The following GRK7 variants were observed in gnomAD, a reference collection of about 807,000 sequenced individuals.
GRK7 encodes the protein rhodopsin kinase GRK7.
A neutral mutation model predicts 34.1 loss-of-function variants in GRK7; 24 were observed. That is an observed-to-expected ratio of 0.70 (90% CI 0.51 to 0.99). The LOEUF is 0.99. GRK7 is among the 50% of genes least tolerant of loss of function. The pLI is 0.00. For synonymous variants in GRK7, 256 were observed against 279.4 expected (o/e 0.92, Z 0.84); for missense variants, 644 against 707.3 (o/e 0.91, Z 1.02).
At chr3:141,787,684 A>G (rs2084703446) in intron 4 of GRK7, among the ~76,000 whole-genome samples, 1 of 151,640 alleles carries the variant, frequency 6.6e-6, no homozygotes, top group Admixed American at 6.6e-5. Context: ...TGTTAGAGGG[A>G]TAATATTTTC....
chr3:141,766,696 A>G (rs1269437391), intron 1 of GRK7, among the ~76,000 whole-genome samples: 1 of 152,170 alleles, frequency 6.6e-6, no homozygotes, highest in Non-Finnish European at 1.5e-5. Context: ...TAATTCCCAC[A>G]TATTCGCCAC....
rs890718052 is a variant in GRK7 at position 141,778,408 on chromosome 3, C to T, written c.124C>T (p.Leu42=). The change falls in exon 3 of 6, where the codon CTG becomes TTG. Residue 42 remains leucine (L), a synonymous_variant. Coordinates refer to ENST00000682958, the MANE Select transcript of GRK7 (RefSeq NM_139209.3). The surrounding 1 kb of genome is among the most constrained non-coding windows in gnomAD (Gnocchi z 4.1). ...GCGGCGTAGCCTGGCCCTGCCCGGGCTGCAGGGCTGCGCGGAGCTCCGCCA... is the reference window on the plus strand; with the variant it reads ...GCGGCGTAGCCTGGCCCTGCCCGGGTTGCAGGGCTGCGCGGAGCTCCGCCA... ...RRRRSLALPG[L]QGCAELRQKL... 1.1e-5 allele frequency: 17 copies of T among 1,612,666 alleles called. No individual in the cohort carries two copies. The highest frequency in any genetic ancestry group is 1.4e-5 in the Non-Finnish European group (17 of 1,179,760).
chr3:141,804,545 TAC>T (rs1441060407), intron 4 of GRK7, among the ~76,000 whole-genome samples: 1 of 151,250 alleles, frequency 6.6e-6, no homozygotes, highest in Non-Finnish European at 1.5e-5. Flanking sequence ...CACACACACA[TAC>T]ACACACTCAC....
intron 4 of GRK7, among the ~76,000 whole-genome samples, chr3:141,781,677 T>A (rs376639463): frequency 2.0e-5 from 3 of 152,180 alleles, no homozygotes; most frequent in Non-Finnish European, 1.5e-5. Flanking sequence ...ATGTTTTGCA[T>A]TGGATGAAGA....
intron 1 of GRK7, among the ~76,000 whole-genome samples, chr3:141,772,268 T>G (rs545172316): frequency 8.5e-5 from 13 of 152,146 alleles, no homozygotes; most frequent in Non-Finnish European, 1.8e-4. Context: ...CTAATTTTTG[T>G]ATTTTTAGTA....
rs558366124 is a variant in GRK7, at chr3:141,774,214, C to T, written c.-214-366C>T. On this transcript the variant is annotated intron_variant, in intron 1 of 5. Transcript: ENST00000682958. ...TTCAGAAGCCGAAGCAGATGGATTA[C>T]ATGAGGCCAGGAGTTCGAGACCAGC... 4.6e-5 allele frequency among the ~76,000 whole-genome samples: 7 copies of T among 152,266 alleles called. No individual in the cohort carries two copies. In the South Asian group the frequency reaches 1.2e-3, roughly 27 times the overall value.
chr3:141,799,002 G>A (rs536549182), intron 4 of GRK7, among the ~76,000 whole-genome samples: 43 of 152,308 alleles, frequency 2.8e-4, no homozygotes, highest in Middle Eastern at 3.4e-3. Flanking sequence ...AAGATGGCAG[G>A]CCAATTCTTT....
At chr3:141,803,809 C>T (rs1178646429) in intron 4 of GRK7, among the ~76,000 whole-genome samples, 2 of 152,174 alleles carry the variant, frequency 1.3e-5, no homozygotes, top group Non-Finnish European at 2.9e-5. Flanking sequence ...GCAACCTCTG[C>T]CTCCCAGGTT....
Position 141,778,241 on chromosome 3 carries a change from C to A in GRK7, c.-44C>A. On this transcript the variant is annotated 5_prime_UTR_variant, in exon 3 of 6. Transcript: ENST00000682958. This position sits in a 1 kb window ranked among gnomAD's most constrained non-coding sequence, Gnocchi z 4.1. ...GAAGGGAAAGCAGCCAGCAGCCCTC[C>A]AGCCCTCTTGTGCTTTCCCTGGGAG... is the stretch of plus-strand genomic sequence containing the variant. 6 of 1,521,650 alleles carry A rather than the reference C, an allele frequency of 3.9e-6. No individual in the cohort carries two copies. The highest frequency in any genetic ancestry group is 5.3e-6 in the Non-Finnish European group (6 of 1,135,488). 94.3% of individuals were successfully genotyped at this position (1,521,650 alleles called of 1,614,324 possible).
intron 2 of GRK7, among the ~76,000 whole-genome samples, chr3:141,775,289 A>T (rs189817555): frequency 9.9e-4 from 150 of 152,184 alleles, no homozygotes; most frequent in African/African-American, 3.5e-3. Context: ...AGTCTCAGCT[A>T]CTTGGGAGAC....
chr3:141,770,572 A>G (rs1226928421), intron 1 of GRK7, among the ~76,000 whole-genome samples: 1 of 152,102 alleles, frequency 6.6e-6, no homozygotes, highest in Non-Finnish European at 1.5e-5. Context: ...AAAGAAAAAA[A>G]AAAAAGACAC....
In GRK7 at chr3:141,764,384, G is replaced by C. The variant is rs946590414; in HGVS notation, c.-1569G>C. ...TTCATCCCACTACTTCATAGAAACT[G>C]CTCTTGTCAAGCATCTGCGTGACCT... On this transcript the variant is annotated 5_prime_UTR_variant, in exon 1 of 6. Coordinates refer to ENST00000682958, the MANE Select transcript of GRK7 (RefSeq NM_139209.3). Among the ~76,000 whole-genome samples the C allele has an allele frequency of 6.6e-6, 1 of 152,168 alleles. No homozygotes were observed. The highest frequency in any genetic ancestry group is 2.4e-5 in the African/African-American group (1 of 41,436).
At position 141,817,125 on chromosome 3, in the gene GRK7, G is replaced by C; in HGVS notation, c.*75G>C. ...TCGAATGTTCCACACGTGGAAATCT[G>C]TGGAATGAGGGCTAATCAGTTAGGA... On this transcript the variant is annotated 3_prime_UTR_variant, in exon 6 of 6. Transcript: ENST00000682958. The C allele has an allele frequency of 8.6e-7, 1 of 1,166,738 alleles. No individual in the cohort carries two copies. The highest frequency in any genetic ancestry group is 1.2e-6 in the Non-Finnish European group (1 of 825,886). 72.3% of individuals were successfully genotyped at this position (1,166,738 alleles called of 1,614,324 possible). A position where few individuals can be genotyped will look rare whatever the true frequency, so the allele number is the denominator to read the frequency against.
At chr3:141,812,345 C>T (rs770010640) in intron 5 of GRK7, among the ~76,000 whole-genome samples, 1 of 152,112 alleles carries the variant, frequency 6.6e-6, no homozygotes, top group East Asian at 1.9e-4. Context: ...AATGATGGGC[C>T]GAAAGAGCCC....
At chr3:141,777,690 A>G (rs796195857) in intron 2 of GRK7, among the ~76,000 whole-genome samples, 1 of 151,632 alleles carries the variant, frequency 6.6e-6, no homozygotes, top group African/African-American at 2.4e-5. Flanking sequence ...GCCCTGGCCA[A>G]CACTGGAGTC....
intron 2 of GRK7, among the ~76,000 whole-genome samples, chr3:141,775,716 A>T (rs969277395): frequency 6.6e-6 from 1 of 152,206 alleles, no homozygotes; most frequent in Non-Finnish European, 1.5e-5. Context: ...CTTTTACATC[A>T]ATTACATGTT....
chr3:141,762,982 G>A (rs201156000), upstream of GRK7, among the ~76,000 whole-genome samples: 7 of 151,932 alleles, frequency 4.6e-5, no homozygotes, highest in East Asian at 3.9e-4. Context: ...GCCCTGCTTC[G>A]GCTCGCGCCC....
In GRK7 at chr3:141,767,222, A is replaced by G. The variant is rs528643713; in HGVS notation, c.-215+1484A>G. Among the ~76,000 whole-genome samples, 29 of 152,298 alleles carry G rather than the reference A, an allele frequency of 1.9e-4. No individual in the cohort carries two copies. In the South Asian group the frequency reaches 6.0e-3, roughly 32 times the overall value. ...TCAAAAGCAAAAATTTTCACCATCTATTCTTGGTATGACATGTAAGGAAGG... is the reference window on the plus strand; with the variant it reads ...TCAAAAGCAAAAATTTTCACCATCTGTTCTTGGTATGACATGTAAGGAAGG... On this transcript the variant is annotated intron_variant, in intron 1 of 5. Coordinates refer to ENST00000682958, the MANE Select transcript of GRK7 (RefSeq NM_139209.3).
chr3:141,803,770 G>A (rs1217594810), intron 4 of GRK7, among the ~76,000 whole-genome samples: 1 of 152,088 alleles, frequency 6.6e-6, no homozygotes, highest in Admixed American at 6.5e-5. Context: ...CATTCAGGCT[G>A]GGGTGCAATG....
Sources: gnomAD v4.1 joint callset for allele counts (sites outside exome capture counted in the v4.1 genomes callset) on GRCh38, gnomAD v4.1.1 for gene constraint, Gnocchi (gnomAD v3.1) non-coding constraint, MANE v1.5 for transcripts, NCBI Gene and HGNC (gene_info 2026-07-23, HGNC 2026-07-21) for gene names.